Variants in UBTF observed in about 807,000 individuals in gnomAD.
UBTF encodes upstream binding transcription factor.
A neutral mutation model predicts 112.3 loss-of-function variants in UBTF; 8 were observed. That is an observed-to-expected ratio of 0.07 (90% CI 0.04 to 0.13). The LOEUF (loss-of-function observed/expected upper bound fraction) is 0.13, where lower values mean the gene tolerates loss of function less well. Among genes scored for constraint, UBTF ranks in the 10% least tolerant of loss-of-function variants. The probability of loss-of-function intolerance (pLI) is 1.00; values close to 1 mark genes in which losing one functional copy is unlikely to be tolerated. For missense variants in UBTF, 457 were observed against 982.1 expected (o/e 0.47, Z 7.15); for synonymous variants, 417 against 373.1 (o/e 1.12, Z -1.36).
upstream of UBTF, chr17:44,220,632 C>G (rs1290386994): frequency 6.6e-6 from 1 of 152,200 alleles, no homozygotes; most frequent in Non-Finnish European, 1.5e-5. Context: ...CCGGTTCAAT[C>G]CAGCCCGGCA....
At position 44,218,188 on chromosome 17, in the gene UBTF, G is replaced by A. The variant is rs567468565; in HGVS notation, c.42C>T (p.Ala14=). The A allele has an allele frequency of 2.5e-6, 4 of 1,612,618 alleles. No individual in the cohort carries two copies. The highest frequency in any genetic ancestry group is 4.5e-5 in the East Asian group (2 of 44,812). The change falls in exon 2 of 21, where the codon GCC becomes GCT. Residue 14 remains alanine (A), a synonymous_variant. Coordinates refer to ENST00000436088, the MANE Select transcript of UBTF (RefSeq NM_014233.4). Reference sequence around the variant, plus strand: ...TGCCCCTACCTTGGCCTTTGGGGGCGGCCATTTCCAGGTCTGTGGGGCAGT... The same window carrying A: ...TGCCCCTACCTTGGCCTTTGGGGGCAGCCATTTCCAGGTCTGTGGGGCAGT... The part of the protein sequence containing the change: ...EADCPTDLEM[A]APKGQDRWSQ...
rs1324141757 is a variant in UBTF, at chr17:44,215,491, A to C, written c.474+163T>G. Reference sequence around the variant, plus strand: ...CCTGTGCCTGACCATGTGTGGGCCGAGGAAGGGGCAATCAGGTGTGGCTGC... The same window carrying C: ...CCTGTGCCTGACCATGTGTGGGCCGCGGAAGGGGCAATCAGGTGTGGCTGC... On this transcript the variant is annotated intron_variant, in intron 5 of 20. Coordinates refer to ENST00000436088, the MANE Select transcript of UBTF (RefSeq NM_014233.4). 8.4e-6 allele frequency: 7 copies of C among 837,966 alleles called. No homozygotes were observed. The Admixed American group carries it at 1.8e-4, about 22-fold the overall frequency. 51.9% of individuals were successfully genotyped at this position (837,966 alleles called of 1,614,324 possible). A position where few individuals can be genotyped will look rare whatever the true frequency, so the allele number is the denominator to read the frequency against.
chr17:44,212,974 G>T (rs1182705209), intron 6 of UBTF, 35 bp from the exon 7 acceptor site: 2 of 1,610,402 alleles, frequency 1.2e-6, no homozygotes, highest in Admixed American at 1.7e-5. Context: ...ATCAGCAGGG[G>T]ACGCTGCCAG....
chr17:44,210,613 T>G, intron 13 of UBTF, 140 bp from the exon 14 acceptor site: 2 of 1,384,284 alleles, frequency 1.4e-6, no homozygotes, highest in Non-Finnish European at 1.9e-6. Context: ...CGCCCCCGCC[T>G]GGTCTGCGGC....
At chr17:44,217,716 T>G (rs1192217993) in intron 2 of UBTF, among the ~76,000 whole-genome samples, 3 of 152,210 alleles carry the variant, frequency 2.0e-5, no homozygotes, top group African/African-American at 7.2e-5. Flanking sequence ...GGCAGAGATC[T>G]AGTTGAGTAC....
rs758229343 is a variant in UBTF at position 44,207,501 on chromosome 17, C to T, written c.2122G>A (p.Asp708Asn). The T allele has an allele frequency of 7.4e-6, 12 of 1,613,880 alleles. No homozygotes were observed. Among genetic ancestry groups the T allele is most frequent in the Admixed American group, 1.7e-5 (1 of 59,994 alleles). The part of the protein sequence containing the change: ...ENGDSSEDGG[D>N]SSESSSEDES... ...TCCTCGCTGCTGGACTCAGAGGAGT[C>T]GCCGCCATCTTCAGAGGAGTCCCCA... The change falls in exon 20 of 21, where the codon GAC (aspartate) becomes AAC (asparagine). Residue 708 changes from aspartate to asparagine, a missense_variant. Asp to Asn is a conservative substitution (Grantham distance 23). This residue lies in a region of UBTF where 139 missense variants were observed against 157.5 expected (regional missense o/e 0.88). Coordinates refer to ENST00000436088, the MANE Select transcript of UBTF (RefSeq NM_014233.4).
Position 44,211,630 on chromosome 17 carries a change from G to A in UBTF, c.1023C>T (p.Asp341=), listed in dbSNP as rs201694162. The stretch of plus-strand genomic sequence containing the variant: ...CCTGATCACACTTCTTGTGATAGGC[G>A]TCCTTCTCCTTCTGGGACAGCAGCT... The part of the protein sequence containing the change: ...QWKLLSQKEK[D]AYHKKCDQKK... Residue 341 remains aspartate, a synonymous_variant, in exon 10 of 21, where the codon GAC becomes GAT. Transcript: ENST00000436088. The surrounding 1 kb of genome is among the most constrained non-coding windows in gnomAD (Gnocchi z 4.9). 2.5e-5 allele frequency: 41 copies of A among 1,611,634 alleles called. No homozygotes were observed. Among genetic ancestry groups the A allele is most frequent in the South Asian group, 2.4e-4 (22 of 91,030 alleles).
chr17:44,213,779 G>T (rs987238539), intron 5 of UBTF, among the ~76,000 whole-genome samples: 2 of 152,172 alleles, frequency 1.3e-5, no homozygotes, highest in Non-Finnish European at 2.9e-5. Context: ...CATGAGGGGA[G>T]ATTGTGTGGA....
rs945145374 is a variant in UBTF at position 44,214,665 on chromosome 17, C to T, written c.474+989G>A. On this transcript the variant is annotated intron_variant, in intron 5 of 20. Transcript: ENST00000436088. ...TGCAGACAGCTGGCTTTTTTGGGTA[C>T]AGCACCAAGGGCATGTGAGTCTGCA... Among the ~76,000 whole-genome samples the T allele has an allele frequency of 3.3e-5, 5 of 152,164 alleles. No homozygotes were observed. The East Asian group carries it at 9.7e-4, about 29-fold the overall frequency.
chr17:44,213,384 C>T (rs1025338356), intron 5 of UBTF, 102 bp from the exon 6 acceptor site: 29 of 1,285,246 alleles, frequency 2.3e-5, no homozygotes, highest in African/African-American at 4.4e-5. Flanking sequence ...CTGCCTCCCA[C>T]GCTGTGATGC....
intron 8 of UBTF, 125 bp from the exon 9 acceptor site, chr17:44,212,131 G>T (rs1181984673): frequency 3.1e-6 from 3 of 965,112 alleles, no homozygotes; most frequent in African/African-American, 3.5e-5. Flanking sequence ...CGTCAGTGGT[G>T]TCACACGAGA....
rs753127672 is a variant in UBTF, at chr17:44,216,670, C to T, written c.93G>A (p.Leu31=). 2.5e-6 allele frequency: 4 copies of T among 1,614,084 alleles called. No individual in the cohort carries two copies. The East Asian group carries it at 8.9e-5, about 36-fold the overall frequency. ...ATGGAAGGTTGTTCTTCATGCATTC[C>T]AGCAAAGTCAGCATGTCTTCCTGGG... The part of the protein sequence containing the change: ...RWSQEDMLTL[L]ECMKNNLPSN... Residue 31 remains leucine (L), a synonymous_variant, in exon 3 of 21, where the codon CTG becomes CTA. Transcript: ENST00000436088.
At chr17:44,210,055 C>T in intron 15 of UBTF, 69 bp downstream of exon 15, 1 of 1,530,222 alleles carries the variant, frequency 6.5e-7, no homozygotes. Flanking sequence ...ACTTCTTGCT[C>T]AGAGCTGCCC....
Position 44,207,583 on chromosome 17 carries a change from A to G in UBTF, c.2040T>C (p.Asp680=), listed in dbSNP as rs113823176. Residue 680 remains aspartate (D), a synonymous_variant, in exon 20 of 21, where the codon GAT becomes GAC. Coordinates refer to ENST00000436088, the MANE Select transcript of UBTF (RefSeq NM_014233.4). The part of the protein sequence containing the change: ...TLQSKSESEE[D]DEEDEDDEDE... The stretch of plus-strand genomic sequence containing the variant: ...CCTCGTCATCCTCATCCTCTTCATC[A>G]TCCTCCTCGGACTCCTTGGAGGGAT... 2,822 of 1,613,748 alleles carry G rather than the reference A, an allele frequency of 1.7e-3. 53 individuals carry two copies. The African/African-American group carries it at 0.032, about 18-fold the overall frequency.
chr17:44,209,823 G>A (rs765809608), intron 15 of UBTF, 90 bp from the exon 16 acceptor site: 38 of 1,368,330 alleles, frequency 2.8e-5, no homozygotes, highest in Non-Finnish European at 3.8e-5. Flanking sequence ...TTAGCTGGCT[G>A]TCTTTTTCTG....
Position 44,219,580 on chromosome 17 carries a change from G to T in UBTF, c.-203C>A, listed in dbSNP as rs1393943800. The T allele has an allele frequency of 1.2e-4, 19 of 160,012 alleles. No individual in the cohort carries two copies. Among genetic ancestry groups the T allele is most frequent in the Non-Finnish European group, 2.1e-4 (16 of 76,968 alleles). The allele number at this position is 160,012 out of a possible 1,614,324, so 9.9% of individuals were successfully genotyped here. A position where few individuals can be genotyped will look rare whatever the true frequency, so the allele number is the denominator to read the frequency against. On this transcript the variant is annotated 5_prime_UTR_variant, in exon 1 of 21. Coordinates refer to ENST00000436088, the MANE Select transcript of UBTF (RefSeq NM_014233.4). ...GGCAGCGGCTCCTCCTCCGGGCGAG[G>T]CGGCGGCGCTGGGGCGGCGGCTGCT...
intron 3 of UBTF, 153 bp downstream of exon 3, chr17:44,216,376 C>T: frequency 2.2e-6 from 2 of 899,386 alleles, no homozygotes; most frequent in East Asian, 4.8e-5. Flanking sequence ...ACCGTGCCAC[C>T]TCCCAAAATG....
Position 44,209,083 on chromosome 17 carries a change from C to T in UBTF, c.1905+269G>A, listed in dbSNP as rs769493981. 5.0e-5 allele frequency: 18 copies of T among 360,408 alleles called. No homozygotes were observed. In the East Asian group the frequency reaches 9.7e-4, roughly 20 times the overall value. 22.3% of individuals were successfully genotyped at this position (360,408 alleles called of 1,614,324 possible). A position where few individuals can be genotyped will look rare whatever the true frequency, so the allele number is the denominator to read the frequency against. ...ACTCTGGAGGCTGTGGAAGGAGAAT[C>T]GCTTGAACCTGGGAGGTGGAGGTTG... On this transcript the variant is annotated intron_variant, in intron 17 of 20. Transcript: ENST00000436088.
Position 44,218,259 on chromosome 17 carries a change from G to T in UBTF, c.-30C>A. 1 of 1,610,522 alleles carries T rather than the reference G, an allele frequency of 6.2e-7. No homozygotes were observed. On this transcript the variant is annotated 5_prime_UTR_variant, in exon 2 of 21. Transcript: ENST00000436088. ...CAGCTGTCCAGCCACCTCCTCGGTC[G>T]TGCTGGCCGGGCAACCCGGGGTCAA...
Sources: allele counts gnomAD v4.1 joint callset (sites outside exome capture counted in the v4.1 genomes callset), GRCh38; gene constraint gnomAD v4.1.1; regional missense constraint gnomAD v4.1.1; non-coding constraint Gnocchi (gnomAD v3.1); transcripts MANE v1.5; gene names NCBI Gene and HGNC (gene_info 2026-07-23, HGNC 2026-07-21).